The following STARD13 variants were observed in gnomAD, a reference collection of about 807,000 sequenced individuals.
STARD13 encodes StAR related lipid transfer domain containing 13.
Under a neutral mutation model 106.4 loss-of-function variants are expected in STARD13, and 62 were observed. The ratio of observed to expected loss-of-function variants is 0.58; its 90% CI spans 0.48 to 0.72. The LOEUF (loss-of-function observed/expected upper bound fraction) is 0.72, where lower values mean the gene tolerates loss of function less well. Ranked by LOEUF, STARD13 falls within the 30% of genes least tolerant of loss-of-function variation. STARD13 has a pLI of 0.00. For synonymous variants in STARD13, 565 were observed against 553.0 expected (o/e 1.02, Z -0.31); for missense variants, 1,387 against 1,424.0 (o/e 0.97, Z 0.42).
At chr13:33,351,253 T>C (rs1053795320), upstream of STARD13, among the ~76,000 whole-genome samples, 1 of 152,212 alleles carries the variant, frequency 6.6e-6, no homozygotes, top group Non-Finnish European at 1.5e-5. Flanking sequence ...CTACCTAAAA[T>C]AGATTTACAT....
chr13:33,629,300 A>G, the STARD13 span, among the ~76,000 whole-genome samples: 28 of 152,348 alleles, frequency 1.8e-4, no homozygotes, highest in African/African-American at 6.3e-4. Context: ...TTAACTGGAA[A>G]TTACTGGACA....
intron 1 of STARD13, among the ~76,000 whole-genome samples, chr13:33,241,926 A>C (rs1020184729): frequency 5.9e-5 from 9 of 152,118 alleles, no homozygotes; most frequent in African/African-American, 2.2e-4. Context: ...TTGGCCTCCC[A>C]AAGTGCAGAG....
At chr13:33,140,762 C>CTTTTTTTT (rs1190491022) in intron 4 of STARD13, among the ~76,000 whole-genome samples, 7 of 142,300 alleles carry the variant, frequency 4.9e-5, no homozygotes, top group African/African-American at 1.9e-4. Flanking sequence ...ACTTTCTTTT[C>CTTTTTTTT]TTTCTTTTTT....
intron 3 of STARD13, among the ~76,000 whole-genome samples, chr13:33,145,534 AT>A (rs35649905): frequency 0.45 from 67,433 of 151,092 alleles, 15,416 homozygotes; most frequent in East Asian, 0.58. Flanking sequence ...ACTTTTTATA[AT>A]TTTTTTTTTG....
At chr13:33,163,647 TATATATAAAACATATATATATAAC>T (rs1882947255) in intron 3 of STARD13, among the ~76,000 whole-genome samples, 1 of 132,304 alleles carries the variant, frequency 7.6e-6, no homozygotes, top group African/African-American at 3.1e-5. Flanking sequence ...ATAACATATA[TATATATAAAACATATATATATAAC>T]ATATATATAA....
At chr13:33,431,325 T>A in the STARD13 span, among the ~76,000 whole-genome samples, 3 of 152,162 alleles carry the variant, frequency 2.0e-5, no homozygotes, top group African/African-American at 7.2e-5. Context: ...ATACAAAATT[T>A]CAATAATTTT....
At chr13:33,615,773 C>T in the STARD13 span, among the ~76,000 whole-genome samples, 2 of 152,222 alleles carry the variant, frequency 1.3e-5, no homozygotes, top group East Asian at 3.9e-4. Flanking sequence ...TAGCATCGCT[C>T]TGCACCCAAA....
the STARD13 span, among the ~76,000 whole-genome samples, chr13:33,434,352 C>CAAAAAAAAAAAAA: frequency 2.6e-4 from 18 of 70,320 alleles, no homozygotes; most frequent in Admixed American, 3.7e-4. Context: ...GACTCTGTCT[C>CAAAAAAAAAAAAA]AAAAAAAAAA....
intron 1 of STARD13, among the ~76,000 whole-genome samples, chr13:33,335,799 T>C (rs2077889784): frequency 6.6e-6 from 1 of 152,254 alleles, no homozygotes; most frequent in African/African-American, 2.4e-5. Context: ...CAGAGAGGAC[T>C]GATGTGAATT....
chr13:33,416,980 T>C, the STARD13 span, among the ~76,000 whole-genome samples: 1 of 152,302 alleles, frequency 6.6e-6, no homozygotes, highest in African/African-American at 2.4e-5. Context: ...CAAGACTATA[T>C]AAAGAATTGC....
chr13:33,499,589 T>C, the STARD13 span, among the ~76,000 whole-genome samples: 4 of 60,920 alleles, frequency 6.6e-5, no homozygotes, highest in Non-Finnish European at 1.4e-4. Flanking sequence ...CTTCTTCTTC[T>C]TCTTCTTCTT....
At chr13:33,463,784 T>C in the STARD13 span, among the ~76,000 whole-genome samples, 1 of 151,830 alleles carries the variant, frequency 6.6e-6, no homozygotes. Flanking sequence ...GAAGCAGAGA[T>C]GGGTAGATCA....
chr13:33,445,832 C>T, the STARD13 span, among the ~76,000 whole-genome samples: 1 of 152,132 alleles, frequency 6.6e-6, no homozygotes, highest in Admixed American at 6.6e-5. Flanking sequence ...TGAGAACTCA[C>T]TCACCCCTCA....
At chr13:33,597,340 A>T in the STARD13 span, among the ~76,000 whole-genome samples, 1 of 151,532 alleles carries the variant, frequency 6.6e-6, no homozygotes, top group Non-Finnish European at 1.5e-5. Flanking sequence ...CTTTTGAGAA[A>T]TGTCTATTCA....
chr13:33,252,671 G>A (rs73465083), intron 1 of STARD13, among the ~76,000 whole-genome samples: 2,244 of 152,286 alleles, frequency 0.015, 46 homozygotes, highest in African/African-American at 0.049. Flanking sequence ...AGAATTGCTC[G>A]AAATCACACA....
chr13:33,186,875 T>C (rs1010946942), intron 1 of STARD13, among the ~76,000 whole-genome samples: 2 of 152,164 alleles, frequency 1.3e-5, no homozygotes, highest in Non-Finnish European at 2.9e-5. Context: ...AAACTACCTG[T>C]TAAATCTGCC....
At chr13:33,510,036 T>C in the STARD13 span, among the ~76,000 whole-genome samples, 7 of 152,158 alleles carry the variant, frequency 4.6e-5, no homozygotes, top group Non-Finnish European at 1.0e-4. Flanking sequence ...CATGAGATCA[T>C]TGTGATGGAC....
intron 1 of STARD13, among the ~76,000 whole-genome samples, chr13:33,298,023 A>G (rs1457126932): frequency 6.6e-6 from 1 of 151,548 alleles, no homozygotes; most frequent in East Asian, 1.9e-4. Flanking sequence ...TCCTTATTAC[A>G]TGATGTGTCC....
At chr13:33,531,859 T>C in the STARD13 span, among the ~76,000 whole-genome samples, 1 of 152,220 alleles carries the variant, frequency 6.6e-6, no homozygotes, top group Non-Finnish European at 1.5e-5. Context: ...GACAGAATTA[T>C]AATATTCCAT....
Sources: allele counts gnomAD v4.1 joint callset (sites outside exome capture counted in the v4.1 genomes callset), GRCh38; gene constraint gnomAD v4.1.1; transcripts MANE v1.5; gene names NCBI Gene and HGNC (gene_info 2026-07-23, HGNC 2026-07-21).